Variants in ANK3 observed in about 807,000 individuals in gnomAD.
ANK3 encodes the protein ankyrin-3.
ANK3 carries 57 observed loss-of-function variants against 370.9 expected under a neutral mutation model. That is an observed-to-expected ratio of 0.15 (90% CI 0.12 to 0.19). ANK3 has a LOEUF of 0.19. Ranked by LOEUF, ANK3 falls within the 10% of genes least tolerant of loss-of-function variation. The probability of loss-of-function intolerance (pLI) is 1.00; values close to 1 mark genes in which losing one functional copy is unlikely to be tolerated. For missense variants in ANK3, 4,439 were observed against 5,302.1 expected, an observed-to-expected ratio of 0.84 and a Z score of 5.06; for synonymous variants, 1,929 against 1,946.3, an observed-to-expected ratio of 0.99 and a Z score of 0.23.
At chr10:60,527,092 G>T (rs940129827) in intron 2 of ANK3, among the ~76,000 whole-genome samples, 1 of 152,044 alleles carries the variant, frequency 6.6e-6, no homozygotes, top group Non-Finnish European at 1.5e-5. Context: ...TGCTAGATGG[G>T]CAGTTAAATT....
intron 8 of ANK3, among the ~76,000 whole-genome samples, chr10:60,226,564 C>CTATATATACTATATACTATATAT (rs1565823190): frequency 1.2e-4 from 3 of 25,856 alleles, no homozygotes; most frequent in Admixed American, 5.4e-4. Context: ...AGTATATATA[C>CTATATATACTATATACTATATAT]ATAGTATATG....
In ANK3 at chr10:60,672,423, G is replaced by A. The variant is rs552137480; in HGVS notation, c.58-57199C>T. Among the ~76,000 whole-genome samples, 5 of 152,310 alleles carry A rather than the reference G, an allele frequency of 3.3e-5. No homozygotes were observed. The South Asian group carries it at 1.0e-3, about 32-fold the overall frequency. ...CTCTGGGAAGAGGCAATGGGCTGGA[G>A]ATTGAGTTAATAAGCAATCATGTCT... On this transcript the variant is annotated intron_variant, in intron 1 of 43. Transcript: ENST00000373827.
At chr10:60,623,230 T>C (rs2133331700) in intron 1 of ANK3, among the ~76,000 whole-genome samples, 1 of 152,252 alleles carries the variant, frequency 6.6e-6, no homozygotes, top group Middle Eastern at 3.4e-3. Context: ...GCACTTACTG[T>C]CTTAGAAAGA....
intron 2 of ANK3, among the ~76,000 whole-genome samples, chr10:60,554,673 A>G (rs911451020): frequency 6.6e-6 from 1 of 152,200 alleles, no homozygotes; most frequent in Non-Finnish European, 1.5e-5. Flanking sequence ...GTGCATTCCA[A>G]AGAGAATTTT....
At position 60,181,311 on chromosome 10, in the gene ANK3, C is replaced by T. The variant is rs780450788; in HGVS notation, c.2184+18G>A. 1.9e-6 allele frequency: 3 copies of T among 1,610,324 alleles called. No individual in the cohort carries two copies. The highest frequency in any genetic ancestry group is 1.3e-5 in the African/African-American group (1 of 74,826). Reference sequence around the variant, plus strand: ...AATGGACACATTCTTTTCCGTGTGGCAAGGGAGGGCCGTATACCTTTGTCT... The same window carrying T: ...AATGGACACATTCTTTTCCGTGTGGTAAGGGAGGGCCGTATACCTTTGTCT... On this transcript the variant is annotated intron_variant, in intron 18 of 43. Coordinates refer to ENST00000280772, the MANE Select transcript of ANK3 (RefSeq NM_020987.5).
intron 7 of ANK3, among the ~76,000 whole-genome samples, chr10:60,238,621 C>T (rs1049374635): frequency 1.3e-5 from 2 of 152,028 alleles, no homozygotes; most frequent in Non-Finnish European, 2.9e-5. Context: ...CTCCTCTGTG[C>T]TGCAGGTGTG....
chr10:60,468,866 T>G (rs545872775), intron 2 of ANK3, among the ~76,000 whole-genome samples: 1 of 151,114 alleles, frequency 6.6e-6, no homozygotes, highest in South Asian at 2.1e-4. Context: ...AGACTTGTCT[T>G]TTTAATATTC....
At chr10:60,278,288 T>C (rs1010572771) in intron 4 of ANK3, among the ~76,000 whole-genome samples, 1 of 152,228 alleles carries the variant, frequency 6.6e-6, no homozygotes, top group South Asian at 2.1e-4. Context: ...CTATGACTAG[T>C]ATCTTTTATA....
chr10:60,150,740 T>C (rs567824630), intron 23 of ANK3, among the ~76,000 whole-genome samples: 1 of 152,252 alleles, frequency 6.6e-6, no homozygotes, highest in East Asian at 1.9e-4. Context: ...CTGCTCCCCC[T>C]TCTCCTTCTG....
chr10:60,724,499 G>C (rs1361538019), intron 1 of ANK3, among the ~76,000 whole-genome samples: 9 of 151,908 alleles, frequency 5.9e-5, no homozygotes, highest in African/African-American at 2.2e-4. Context: ...AGATACAATA[G>C]GATACTGAGC....
At chr10:60,201,370 T>A (rs752410802) in intron 12 of ANK3, among the ~76,000 whole-genome samples, 19 of 152,378 alleles carry the variant, frequency 1.2e-4, no homozygotes, top group Middle Eastern at 3.4e-3. Flanking sequence ...GCCTCCTAGC[T>A]TGCCCCTTCT....
At chr10:60,678,117 A>G (rs2079150264) in intron 1 of ANK3, among the ~76,000 whole-genome samples, 1 of 152,240 alleles carries the variant, frequency 6.6e-6, no homozygotes, top group African/African-American at 2.4e-5. Flanking sequence ...ATTTTCTTAC[A>G]TTCCAGGTAC....
At chr10:60,623,333 A>G (rs1411615593) in intron 1 of ANK3, among the ~76,000 whole-genome samples, 2 of 152,214 alleles carry the variant, frequency 1.3e-5, no homozygotes, top group African/African-American at 4.8e-5. Flanking sequence ...AAAGGAATCA[A>G]ATAAATCTAT....
intron 1 of ANK3, among the ~76,000 whole-genome samples, chr10:60,733,071 C>G (rs910522840): frequency 6.6e-6 from 1 of 151,882 alleles, no homozygotes; most frequent in Non-Finnish European, 1.5e-5. Flanking sequence ...AACTTCCAGG[C>G]GCAACTGGAC....
At position 60,208,167 on chromosome 10, in the gene ANK3, G is replaced by T; in HGVS notation, c.1063C>A (p.Gln355Lys). The change falls in exon 10 of 44, where the codon CAG (glutamine) becomes AAG (lysine). Residue 355 changes from glutamine to lysine, a missense_variant. Coordinates refer to ENST00000280772, the MANE Select transcript of ANK3 (RefSeq NM_020987.5). Reference sequence around the variant, plus strand: ...ACATCATCCACGGGTACATTATGCTGGAGGAGAAGCTGGACGCAGTTTAAA... The same window carrying T: ...ACATCATCCACGGGTACATTATGCTTGAGGAGAAGCTGGACGCAGTTTAAA... ...DHLNCVQLLL[Q>K]HNVPVDDVTN... 1 of 1,614,112 alleles carries T rather than the reference G, an allele frequency of 6.2e-7. No individual in the cohort carries two copies. The highest frequency in any genetic ancestry group is 8.5e-7 in the Non-Finnish European group (1 of 1,179,978).
intron 42 of ANK3, 32 bp from the exon 43 acceptor site, chr10:60,042,791 C>T (rs1449030573): frequency 1.9e-6 from 3 of 1,585,818 alleles, no homozygotes; most frequent in African/African-American, 3.0e-5. Flanking sequence ...TAAGATTTCA[C>T]AGTGAAACAG....
intron 43 of ANK3, among the ~76,000 whole-genome samples, chr10:60,032,194 C>CTTTTTTTTTT (rs552219776): frequency 0.014 from 606 of 43,098 alleles, 178 homozygotes; most frequent in African/African-American, 0.018. Flanking sequence ...TACACAGCTT[C>CTTTTTTTTTT]TTTTTTTTTT....
At chr10:60,720,311 T>C (rs1002926550) in intron 1 of ANK3, among the ~76,000 whole-genome samples, 3 of 152,146 alleles carry the variant, frequency 2.0e-5, no homozygotes, top group South Asian at 2.1e-4. Flanking sequence ...AACAACCCTA[T>C]GAGATATGCA....
intron 1 of ANK3, among the ~76,000 whole-genome samples, chr10:60,639,451 T>G (rs1177379568): frequency 6.6e-6 from 1 of 151,296 alleles, no homozygotes; most frequent in African/African-American, 2.4e-5. Context: ...TAAAAATATT[T>G]TAATCTATTA....
Sources: allele counts gnomAD v4.1 joint callset (sites outside exome capture counted in the v4.1 genomes callset), GRCh38; gene constraint gnomAD v4.1.1; transcripts MANE v1.5; gene names NCBI Gene and HGNC (gene_info 2026-07-23, HGNC 2026-07-21).